SCNN1D: variants seen among roughly 807,000 people sequenced by gnomAD.
SCNN1D encodes sodium channel epithelial 1 subunit delta.
A neutral mutation model predicts 87.8 loss-of-function variants in SCNN1D; 104 were observed. The ratio of observed to expected loss-of-function variants is 1.18; its 90% CI spans 1.01 to 1.39. The LOEUF (loss-of-function observed/expected upper bound fraction) is 1.39, where lower values mean the gene tolerates loss of function less well. SCNN1D is among the 40% of genes most tolerant of loss of function. SCNN1D has a pLI of 0.00. For synonymous variants in SCNN1D, 628 were observed against 481.2 expected, an observed-to-expected ratio of 1.31 and a Z score of -3.99; for missense variants, 1,324 against 1,093.9, an observed-to-expected ratio of 1.21 and a Z score of -2.97.
chr1:1,287,575 C>A lies in SCNN1D; in HGVS notation c.1378C>A (p.Gln460Lys). Residue 460 changes from glutamine (Q) to lysine (K), a missense_variant, in exon 10 of 18, where the codon CAG (glutamine) becomes AAG (lysine). By Grantham distance (53) the Gln-to-Lys change is moderately conservative. Coordinates refer to ENST00000379116, the MANE Select transcript of SCNN1D (RefSeq NM_001130413.4). Reference sequence around the variant, plus strand: ...CACGGTCGATGGCGTCTGGACAGCTCAGCGCCCCGGCATCACCCACGGTGG... The same window carrying A: ...CACGGTCGATGGCGTCTGGACAGCTAAGCGCCCCGGCATCACCCACGGTGG... ...CYTVDGVWTA[Q>K]RPGITHGVGL... 1 of 1,589,902 alleles carries A rather than the reference C, an allele frequency of 6.3e-7. No individual in the cohort carries two copies. Among genetic ancestry groups the A allele is most frequent in the Non-Finnish European group, 8.6e-7 (1 of 1,166,512 alleles).
Position 1,287,712 on chromosome 1 carries a change from T to C in SCNN1D, c.1439T>C (p.Leu480Pro). 1 of 1,610,152 alleles carries C rather than the reference T, an allele frequency of 6.2e-7. No homozygotes were observed. Among genetic ancestry groups the C allele is most frequent in the South Asian group, 1.1e-5 (1 of 90,736 alleles). ...LVLRVEQQPH[L>P]PLLSTLAGIR... The stretch of plus-strand genomic sequence containing the variant: ...CTCAGGGTTGAGCAGCAGCCTCACC[T>C]CCCTCTGCTGTCCACGCTGGCCGGC... Residue 480 changes from leucine to proline, a missense_variant, in exon 11 of 18, where the codon CTC (leucine) becomes CCC (proline). Transcript: ENST00000379116.
At chr1:1,282,088 G>A (rs1240259157) in intron 3 of SCNN1D, 154 bp from the exon 4 acceptor site, 5 of 624,232 alleles carry the variant, frequency 8.0e-6, no homozygotes, top group East Asian at 2.8e-5. Context: ...GGGCCCTGCC[G>A]CTGACCTGTG....
chr1:1,284,845 A>G (rs574734384), intron 5 of SCNN1D, among the ~76,000 whole-genome samples: 3 of 152,166 alleles, frequency 2.0e-5, no homozygotes, highest in East Asian at 3.9e-4. Context: ...CTCTCTGACC[A>G]GGGGTCCAGG....
At chr1:1,283,266 A>G (rs534132868) in intron 4 of SCNN1D, among the ~76,000 whole-genome samples, 24 of 152,198 alleles carry the variant, frequency 1.6e-4, no homozygotes, top group South Asian at 4.1e-4. Context: ...ACCTGTCCCA[A>G]TGGCTGGGCG....
chr1:1,287,501 A>T lies in SCNN1D; in HGVS notation c.1311-7A>T, dbSNP rs779146230. The T allele has an allele frequency of 6.6e-7, 1 of 1,518,794 alleles. No individual in the cohort carries two copies. The allele number at this position is 1,518,794 out of a possible 1,614,324, so 94.1% of individuals were successfully genotyped here. On this transcript the variant is annotated splice_polypyrimidine_tract_variant and splice_region_variant and intron_variant, in intron 9 of 17. Coordinates refer to ENST00000379116, the MANE Select transcript of SCNN1D (RefSeq NM_001130413.4). Reference sequence around the variant, plus strand: ...ATTCAAGGTCTGAGCTTGGCTTCTCATTCCAGACAGTTCCGGACCTTCCAC... The same window carrying T: ...ATTCAAGGTCTGAGCTTGGCTTCTCTTTCCAGACAGTTCCGGACCTTCCAC...
chr1:1,290,677 C>T lies in SCNN1D; in HGVS notation c.1900C>T (p.Pro634Ser). The T allele has an allele frequency of 6.2e-7, 1 of 1,612,622 alleles. No individual in the cohort carries two copies. The highest frequency in any genetic ancestry group is 1.3e-5 in the African/African-American group (1 of 75,034). The change falls in exon 15 of 18, where the codon CCT (proline) becomes TCT (serine). Residue 634 changes from proline (P) to serine (S), a missense_variant. Pro to Ser is a moderately conservative substitution (Grantham distance 74). Coordinates refer to ENST00000379116, the MANE Select transcript of SCNN1D (RefSeq NM_001130413.4). ...FKLSTGTSRW[P>S]SAKSAGWTLA... is the part of the protein sequence containing the mutation. ...GCTCTCCACTGGGACCTCCAGGTGGCCTTCCGCCAAGTCAGCTGTGAGTCC... is the reference window on the plus strand; with the variant it reads ...GCTCTCCACTGGGACCTCCAGGTGGTCTTCCGCCAAGTCAGCTGTGAGTCC...
rs773466882 is a variant in SCNN1D, at chr1:1,287,514, C to G, written c.1317C>G (p.Phe439Leu). The G allele has an allele frequency of 3.3e-6, 5 of 1,527,920 alleles. No individual in the cohort carries two copies. The highest frequency in any genetic ancestry group is 1.3e-5 in the South Asian group (1 of 77,608). 94.6% of individuals were successfully genotyped at this position (1,527,920 alleles called of 1,614,324 possible). ...YDGLDCQARQ[F>L]RTFHHPTYGS... is the part of the protein sequence containing the mutation. ...GCTTGGCTTCTCATTCCAGACAGTT[C>G]CGGACCTTCCACCACCCCACCTACG... The change falls in exon 10 of 18, where the codon TTC becomes TTG. Residue 439 changes from phenylalanine (F) to leucine (L), a missense_variant. Phe to Leu is a conservative substitution (Grantham distance 22). Coordinates refer to ENST00000379116, the MANE Select transcript of SCNN1D (RefSeq NM_001130413.4).
intron 12 of SCNN1D, 65 bp from the exon 13 acceptor site, chr1:1,290,206 G>T: frequency 8.4e-7 from 1 of 1,195,340 alleles, no homozygotes; most frequent in Non-Finnish European, 1.2e-6. Context: ...TCCGTCCCGT[G>T]TCTCTGCCCC....
rs1357195705 is a variant in SCNN1D, at chr1:1,281,463, G to T, written c.130G>T (p.Gly44Cys). ...CAGGACCCCCACATGCCGGGAGCTG[G>T]GTTCGCCCCACCCCACCCCCTGCAC... Reference protein sequence around the residue: ...DHRTPTCRELGSPHPTPCTGP... With the variant: ...DHRTPTCRELCSPHPTPCTGP... Residue 44 changes from glycine (G) to cysteine (C), a missense_variant, in exon 3 of 18, where the codon GGT becomes TGT. Physicochemically the swap from Gly to Cys is radical, Grantham distance 159. Transcript: ENST00000379116. The T allele has an allele frequency of 6.6e-7, 1 of 1,521,394 alleles. No homozygotes were observed. Among genetic ancestry groups the T allele is most frequent in the Admixed American group, 2.0e-5 (1 of 49,890 alleles). The allele number at this position is 1,521,394 out of a possible 1,614,324, so 94.2% of individuals were successfully genotyped here.
At chr1:1,288,495 CCGTGTCTCTGCCCCGT>C (rs1356270221) in intron 12 of SCNN1D, among the ~76,000 whole-genome samples, 1 of 123,784 alleles carries the variant, frequency 8.1e-6, no homozygotes, top group South Asian at 2.6e-4. Flanking sequence ...CTGCTCCGTC[CCGTGTCTCTGCCCCGT>C]CCCGTGTCCC....
At position 1,286,105 on chromosome 1, in the gene SCNN1D, C is replaced by G; in HGVS notation, c.738C>G (p.Arg246=). 6.2e-7 allele frequency: 1 copy of G among 1,610,348 alleles called. No homozygotes were observed. Among genetic ancestry groups the G allele is most frequent in the Non-Finnish European group, 8.5e-7 (1 of 1,179,230 alleles). ...AIRLVCSRGN[R]LKTTSWGLLS... The stretch of plus-strand genomic sequence containing the variant: ...GCCTGGTCTGCTCCCGCGGGAACCG[C>G]CTCAAGACGACGTCCTGGGGGCTGC... The change falls in exon 7 of 18, where the codon CGC becomes CGG. Residue 246 remains arginine (R), a synonymous_variant. Coordinates refer to ENST00000379116, the MANE Select transcript of SCNN1D (RefSeq NM_001130413.4).
chr1:1,285,754 G>A (rs1640574174), intron 6 of SCNN1D, 90 bp downstream of exon 6: 1 of 1,249,546 alleles, frequency 8.0e-7, no homozygotes, highest in Admixed American at 2.6e-5. Flanking sequence ...GACGTGTCAG[G>A]GACGGGTGTA....
chr1:1,286,048 C>T lies in SCNN1D; in HGVS notation c.681C>T (p.Phe227=), dbSNP rs1397267185. The T allele has an allele frequency of 6.3e-7, 1 of 1,584,770 alleles. No homozygotes were observed. The highest frequency in any genetic ancestry group is 8.6e-7 in the Non-Finnish European group (1 of 1,165,908). The change falls in exon 7 of 18, where the codon TTC becomes TTT. Residue 227 remains phenylalanine (F), a synonymous_variant. Coordinates refer to ENST00000379116, the MANE Select transcript of SCNN1D (RefSeq NM_001130413.4). ...CGTTCCGGGAGCTGCTCACCTTCTT[C>T]TGCACCAATGCCACCATCCACGGCG... ...PASFRELLTF[F]CTNATIHGAI...
At chr1:1,287,355 C>T in intron 9 of SCNN1D, 56 bp downstream of exon 9, 1 of 1,508,422 alleles carries the variant, frequency 6.6e-7, no homozygotes, top group South Asian at 1.3e-5. Flanking sequence ...AGCGTGGCCG[C>T]ACCCCTGGGG....
chr1:1,286,320 C>A, intron 7 of SCNN1D, 42 bp downstream of exon 7: 1 of 1,436,734 alleles, frequency 7.0e-7, no homozygotes. Flanking sequence ...GCCGCCCCAG[C>A]TCCTTGCCCC....
In SCNN1D at chr1:1,282,065, G is replaced by A. The variant is rs774526526; in HGVS notation, c.278-177G>A. The A allele has an allele frequency of 1.3e-5, 8 of 613,786 alleles. No individual in the cohort carries two copies. The South Asian group carries it at 1.4e-4, about 11-fold the overall frequency. The allele number at this position is 613,786 out of a possible 1,614,324, so 38.0% of individuals were successfully genotyped here. ...GTGGTGGGGGAGAAGCCCCAGGCCT[G>A]TGCTGTGTCCGGGGGCCCTGCCGCT... On this transcript the variant is annotated intron_variant, in intron 3 of 17. Transcript: ENST00000379116.
At chr1:1,282,829 T>G (rs920985047) in intron 4 of SCNN1D, among the ~76,000 whole-genome samples, 3 of 151,684 alleles carry the variant, frequency 2.0e-5, no homozygotes, top group Non-Finnish European at 4.4e-5. Context: ...CTCGGCTCAC[T>G]GCAAGCTCCG....
chr1:1,288,283 C>G (rs1267472781), intron 12 of SCNN1D, among the ~76,000 whole-genome samples: 31 of 98,422 alleles, frequency 3.1e-4, no homozygotes, highest in African/African-American at 1.4e-3. Flanking sequence ...TCCCCCGAGT[C>G]TCTGCTCCGT....
At position 1,287,942 on chromosome 1, in the gene SCNN1D, G is replaced by C; in HGVS notation, c.1567G>C (p.Glu523Gln). 4 of 1,542,490 alleles carry C rather than the reference G, an allele frequency of 2.6e-6. No homozygotes were observed. The highest frequency in any genetic ancestry group is 3.5e-6 in the Non-Finnish European group (4 of 1,141,882). The stretch of plus-strand genomic sequence containing the variant: ...GAACTGAAGCGTCCCCTCCCAGGAC[G>C]AGGTGCACCGGCTCGGGAGCCCCTA... ...TEATISIRED[E>Q]VHRLGSPYGH... Residue 523 changes from glutamate (E) to glutamine (Q), a missense_variant, in exon 12 of 18, where the codon GAG becomes CAG. Transcript: ENST00000379116.
Sources: allele counts gnomAD v4.1 joint callset (sites outside exome capture counted in the v4.1 genomes callset), GRCh38; gene constraint gnomAD v4.1.1; transcripts MANE v1.5; gene names NCBI Gene and HGNC (gene_info 2026-07-23, HGNC 2026-07-21).